The following DNAH9 variants were observed in gnomAD, a reference collection of about 807,000 sequenced individuals.
DNAH9 encodes the protein DNAH9 variant protein.
A neutral mutation model predicts 471.6 loss-of-function variants in DNAH9; 345 were observed. That is an observed-to-expected ratio of 0.73 (90% CI 0.67 to 0.80). The LOEUF (loss-of-function observed/expected upper bound fraction) is 0.80, where lower values mean the gene tolerates loss of function less well. Ranked by LOEUF, DNAH9 falls within the 30% of genes least tolerant of loss-of-function variation. The pLI is 0.00. For missense variants in DNAH9, 5,407 were observed against 5,609.2 expected (o/e 0.96, Z 1.15); for synonymous variants, 2,093 against 2,123.6 (o/e 0.99, Z 0.40).
intron 5 of DNAH9, among the ~76,000 whole-genome samples, chr17:11,619,179 A>G (rs1476325343): frequency 6.6e-6 from 1 of 152,216 alleles, no homozygotes; most frequent in Non-Finnish European, 1.5e-5. Flanking sequence ...TCTTCGAGAC[A>G]GAAAAATAAT....
rs1208407492 is a variant in DNAH9, at chr17:11,690,344, G to C, written c.4522G>C (p.Val1508Leu). 6.2e-7 allele frequency: 1 copy of C among 1,614,178 alleles called. No individual in the cohort carries two copies. Among genetic ancestry groups the C allele is most frequent in the Non-Finnish European group, 8.5e-7 (1 of 1,180,020 alleles). The change falls in exon 20 of 69, where the codon GTC becomes CTC. Residue 1508 changes from valine (V) to leucine (L), a missense_variant. Physicochemically the swap from Val to Leu is conservative, Grantham distance 32. Coordinates refer to ENST00000262442, the MANE Select transcript of DNAH9 (RefSeq NM_001372.4). ...WQKKLSTVDAVISIWFEVQRT... is the reference protein window; with the variant it reads ...WQKKLSTVDALISIWFEVQRT... The stretch of plus-strand genomic sequence containing the variant: ...GAAGAAGCTGTCCACAGTGGACGCT[G>C]TCATCTCTATCTGGTTTGAAGTGCA...
At chr17:11,807,628 A>G in intron 43 of DNAH9, 104 bp from the exon 44 acceptor site, 1 of 1,245,438 alleles carries the variant, frequency 8.0e-7, no homozygotes, top group Non-Finnish European at 1.1e-6. Flanking sequence ...TCAGCCTGTG[A>G]CGTGCCTCCA....
In DNAH9 at chr17:11,784,380, T is replaced by A. The variant is rs768108466; in HGVS notation, c.7902T>A (p.His2634Gln). 6.2e-7 allele frequency: 1 copy of A among 1,614,184 alleles called. No individual in the cohort carries two copies. The highest frequency in any genetic ancestry group is 1.1e-5 in the South Asian group (1 of 91,072). ...SSIYSIILTQ[H>Q]LKLGNFPASL... ...TCTACAGCATCATCCTCACTCAGCA[T>A]CTGAAGCTCGGAAACTTCCCGGCGT... The change falls in exon 41 of 69, where the codon CAT becomes CAA. Residue 2634 changes from histidine (H) to glutamine (Q), a missense_variant. His to Gln is a conservative substitution (Grantham distance 24). Around this residue, in one of 3 missense-constraint regions of DNAH9, gnomAD observed 4,636 missense variants for 4,900.3 expected, o/e 0.95. Coordinates refer to ENST00000262442, the MANE Select transcript of DNAH9 (RefSeq NM_001372.4).
chr17:11,933,631 C>T (rs746680438), intron 64 of DNAH9, among the ~76,000 whole-genome samples: 13 of 152,130 alleles, frequency 8.5e-5, no homozygotes. Flanking sequence ...CCACCCGCCT[C>T]GGCCTCCCAA....
chr17:11,841,790 G>A (rs191243329), intron 49 of DNAH9, among the ~76,000 whole-genome samples: 2 of 152,040 alleles, frequency 1.3e-5, no homozygotes, highest in African/African-American at 4.8e-5. Context: ...AATGAGAGGT[G>A]GGTTTGCGTG....
chr17:11,674,055 T>A (rs956650961), intron 17 of DNAH9, among the ~76,000 whole-genome samples: 3 of 152,256 alleles, frequency 2.0e-5, no homozygotes, highest in Admixed American at 6.5e-5. Context: ...GTAGTTCATT[T>A]TCCCTGTCGT....
intron 49 of DNAH9, among the ~76,000 whole-genome samples, chr17:11,844,713 C>CT (rs1489796291): frequency 6.6e-5 from 10 of 152,102 alleles, no homozygotes; most frequent in African/African-American, 1.7e-4. Flanking sequence ...CCAGTAACAT[C>CT]TTTTTTTATC....
At chr17:11,874,584 A>G (rs1241676978) in intron 52 of DNAH9, among the ~76,000 whole-genome samples, 3 of 152,232 alleles carry the variant, frequency 2.0e-5, no homozygotes, top group Non-Finnish European at 4.4e-5. Context: ...AGCGTGCACA[A>G]GAAACACAGA....
chr17:11,779,203 G>A (rs1968579541), intron 38 of DNAH9, among the ~76,000 whole-genome samples: 1 of 152,142 alleles, frequency 6.6e-6, no homozygotes, highest in African/African-American at 2.4e-5. Context: ...TGGGCTCCAG[G>A]TGTGGGCTTG....
intron 4 of DNAH9, among the ~76,000 whole-genome samples, chr17:11,617,200 A>G (rs1011211099): frequency 6.6e-6 from 1 of 152,128 alleles, no homozygotes; most frequent in African/African-American, 2.4e-5. Flanking sequence ...CATTTAGAGG[A>G]ATGTTACAAG....
At chr17:11,654,685 A>T (rs1399911966) in intron 14 of DNAH9, among the ~76,000 whole-genome samples, 1 of 152,102 alleles carries the variant, frequency 6.6e-6, no homozygotes, top group Non-Finnish European at 1.5e-5. Flanking sequence ...CAATAATAGT[A>T]GTTGATATTT....
chr17:11,851,827 A>T (rs931542162), intron 49 of DNAH9, among the ~76,000 whole-genome samples: 6 of 142,898 alleles, frequency 4.2e-5, no homozygotes, highest in Admixed American at 7.4e-5. Context: ...TGATTAATTT[A>T]TAGATATATA....
At chr17:11,945,514 G>A (rs1975082806) in intron 67 of DNAH9, among the ~76,000 whole-genome samples, 1 of 150,914 alleles carries the variant, frequency 6.6e-6, no homozygotes, top group Non-Finnish European at 1.5e-5. Context: ...CTCCAGCCTG[G>A]GTGACAGAGA....
chr17:11,893,893 T>C (rs1407727998), intron 58 of DNAH9, among the ~76,000 whole-genome samples: 1 of 152,210 alleles, frequency 6.6e-6, no homozygotes, highest in Non-Finnish European at 1.5e-5. Context: ...GAAAATAAAC[T>C]ACTTATAGAA....
At chr17:11,881,468 T>C (rs549177606) in intron 55 of DNAH9, 55 bp downstream of exon 55, 1,421 of 1,543,854 alleles carry the variant, frequency 9.2e-4, no homozygotes, top group Non-Finnish European at 1.2e-3. Context: ...TGTACTCCAC[T>C]CTGGGAGAGG....
intron 10 of DNAH9, among the ~76,000 whole-genome samples, chr17:11,642,618 C>T (rs1054227407): frequency 1.3e-5 from 2 of 152,214 alleles, no homozygotes; most frequent in Non-Finnish European, 2.9e-5. Context: ...TTAGATTCCT[C>T]ACCATGAAGT....
intron 36 of DNAH9, among the ~76,000 whole-genome samples, chr17:11,765,918 G>A (rs1967916713): frequency 6.6e-6 from 1 of 152,162 alleles, no homozygotes. Context: ...GTGGTGCGCA[G>A]GCAGTGGAGT....
chr17:11,800,205 C>T (rs966165631), intron 43 of DNAH9, among the ~76,000 whole-genome samples: 5 of 152,078 alleles, frequency 3.3e-5, no homozygotes, highest in Non-Finnish European at 7.4e-5. Flanking sequence ...ATCTAACAGC[C>T]TATGTGTATC....
At chr17:11,637,292 C>A (rs749566860) in intron 9 of DNAH9, among the ~76,000 whole-genome samples, 3 of 152,158 alleles carry the variant, frequency 2.0e-5, no homozygotes, top group African/African-American at 7.2e-5. Flanking sequence ...TTCAGTTTTA[C>A]GTACATTTAT....
Sources: gnomAD v4.1 joint callset for allele counts (sites outside exome capture counted in the v4.1 genomes callset) on GRCh38, gnomAD v4.1.1 for gene constraint, gnomAD v4.1.1 regional missense constraint, MANE v1.5 for transcripts, NCBI Gene and HGNC (gene_info 2026-07-23, HGNC 2026-07-21) for gene names.